The following CDCP1 variants were observed in gnomAD, a reference collection of about 807,000 sequenced individuals.
CDCP1 encodes the protein CUB domain-containing protein 1.
A neutral mutation model predicts 60.2 loss-of-function variants in CDCP1; 29 were observed. The ratio of observed to expected loss-of-function variants is 0.48; its 90% confidence interval spans 0.36 to 0.66. CDCP1 has a LOEUF of 0.66. Ranked by LOEUF, CDCP1 falls within the 30% of genes least tolerant of loss-of-function variation. The pLI is 0.00. For missense variants in CDCP1, 876 were observed against 1,074.3 expected (o/e 0.82, Z 2.58); for synonymous variants, 387 against 431.1 (o/e 0.90, Z 1.27).
At chr3:45,122,285 A>G (rs2126001977) in intron 1 of CDCP1, among the ~76,000 whole-genome samples, 2 of 152,094 alleles carry the variant, frequency 1.3e-5, no homozygotes, top group South Asian at 4.1e-4. Context: ...CTGGGACTAA[A>G]GGCATGTGCC....
intron 1 of CDCP1, among the ~76,000 whole-genome samples, chr3:45,144,437 G>A (rs1461161653): frequency 6.7e-6 from 1 of 148,512 alleles, no homozygotes; most frequent in Non-Finnish European, 1.5e-5. Context: ...GAGACCATAG[G>A]GAGGAACTTA....
chr3:45,146,009 C>G (rs552906205), intron 1 of CDCP1, among the ~76,000 whole-genome samples, 197 bp downstream of exon 1: 1 of 152,110 alleles, frequency 6.6e-6, no homozygotes, highest in Admixed American at 6.5e-5. Context: ...CCCACGCGCC[C>G]GACGCGGCGC....
chr3:45,101,176 T>C (rs988616602), intron 4 of CDCP1, among the ~76,000 whole-genome samples: 1 of 152,184 alleles, frequency 6.6e-6, no homozygotes, highest in African/African-American at 2.4e-5. Flanking sequence ...TCACATCTCA[T>C]TGGCCAAAGC....
chr3:45,126,110 C>CTTTCTTTCCTTCT (rs1464461640), intron 1 of CDCP1, among the ~76,000 whole-genome samples: 1 of 71,722 alleles, frequency 1.4e-5, no homozygotes, highest in African/African-American at 7.2e-5. Context: ...GTCTCTCTCT[C>CTTTCTTTCCTTCT]TTTCTTTCTT....
intron 4 of CDCP1, among the ~76,000 whole-genome samples, chr3:45,098,910 A>G (rs1698446060): frequency 6.6e-6 from 1 of 152,130 alleles, no homozygotes; most frequent in Non-Finnish European, 1.5e-5. Flanking sequence ...TTCCACTTGT[A>G]TAAATCTCCT....
rs1698169149 is a variant in CDCP1, at chr3:45,085,311, GTT to G, written c.*325_*326del. On this transcript the variant is annotated 3_prime_UTR_variant, in exon 9 of 9. Transcript: ENST00000296129. The surrounding 1 kb of genome is among the most constrained non-coding windows in gnomAD (Gnocchi z 4.2). ...GTTGTCCTGAAGAGGGCAAGCCTCT[GTT>G]TAACACTCTGAATCCAGGGCTTGCT... 1.1e-5 allele frequency: 3 copies of G among 276,988 alleles called. No individual in the cohort carries two copies. The South Asian group carries it at 1.7e-4, about 16-fold the overall frequency. 17.2% of individuals were successfully genotyped at this position (276,988 alleles called of 1,614,324 possible).
chr3:45,107,295 C>T (rs1698582601), intron 4 of CDCP1, among the ~76,000 whole-genome samples: 1 of 152,070 alleles, frequency 6.6e-6, no homozygotes, highest in Non-Finnish European at 1.5e-5. Context: ...CAACCTCCAC[C>T]TCCCGGGTTC....
At chr3:45,143,844 TG>T (rs1367738650) in intron 1 of CDCP1, among the ~76,000 whole-genome samples, 3 of 151,734 alleles carry the variant, frequency 2.0e-5, no homozygotes, top group Admixed American at 6.6e-5. Context: ...GGGGAGGAGA[TG>T]GGGGAGACTC....
At chr3:45,103,230 C>A (rs187166013) in intron 4 of CDCP1, among the ~76,000 whole-genome samples, 20 of 152,250 alleles carry the variant, frequency 1.3e-4, no homozygotes, top group Non-Finnish European at 2.6e-4. Flanking sequence ...TGGAATTGTA[C>A]GGTACATACT....
chr3:45,126,780 C>T (rs1366546459), intron 1 of CDCP1, among the ~76,000 whole-genome samples: 1 of 152,124 alleles, frequency 6.6e-6, no homozygotes, highest in Non-Finnish European at 1.5e-5. Flanking sequence ...TTAGGCAGCC[C>T]CGTGCATATG....
At chr3:45,126,703 C>G (rs772899768) in intron 1 of CDCP1, among the ~76,000 whole-genome samples, 11 of 152,090 alleles carry the variant, frequency 7.2e-5, no homozygotes, top group Non-Finnish European at 1.3e-4. Context: ...GGAGAAAAAC[C>G]TTTGGAATCT....
intron 4 of CDCP1, among the ~76,000 whole-genome samples, chr3:45,099,674 C>T (rs920252886): frequency 2.6e-5 from 4 of 151,972 alleles, no homozygotes; most frequent in African/African-American, 7.2e-5. Flanking sequence ...TTCTTTCTAT[C>T]GCGCTGGCTT....
chr3:45,117,525 T>C (rs1698812769), intron 2 of CDCP1, among the ~76,000 whole-genome samples: 1 of 152,034 alleles, frequency 6.6e-6, no homozygotes, highest in South Asian at 2.1e-4. Flanking sequence ...CCCAACTCCA[T>C]CATTCTCCAA....
rs150299181 is a variant in CDCP1 at position 45,085,244 on chromosome 3, G to T, written c.*394C>A. On this transcript the variant is annotated 3_prime_UTR_variant, in exon 9 of 9. Coordinates refer to ENST00000296129, the MANE Select transcript of CDCP1 (RefSeq NM_022842.5). This position sits in a 1 kb window ranked among gnomAD's most constrained non-coding sequence, Gnocchi z 4.2. Reference sequence around the variant, plus strand: ...TGTCGTTTTCATCCTGGGGACCCCAGTGAGAGTAGGGACCTCAGGTAGGCT... The same window carrying T: ...TGTCGTTTTCATCCTGGGGACCCCATTGAGAGTAGGGACCTCAGGTAGGCT... 5.2e-4 allele frequency: 88 copies of T among 168,164 alleles called. 1 individual carries two copies. Among genetic ancestry groups the T allele is most frequent in the African/African-American group, 1.9e-3 (80 of 42,086 alleles). The allele number at this position is 168,164 out of a possible 1,614,324, so 10.4% of individuals were successfully genotyped here. A position where few individuals can be genotyped will look rare whatever the true frequency, so the allele number is the denominator to read the frequency against.
Position 45,091,193 on chromosome 3 carries a change from G to A in CDCP1, c.1973C>T (p.Thr658Ile). The change falls in exon 7 of 9, where the codon ACA becomes ATA. Residue 658 changes from threonine (T) to isoleucine (I), a missense_variant. By Grantham distance (89) the Thr-to-Ile change is moderately conservative. Around this residue, in one of 2 missense-constraint regions of CDCP1, gnomAD observed 726 missense variants for 935.7 expected, o/e 0.78. Transcript: ENST00000296129. This position sits in a 1 kb window ranked among gnomAD's most constrained non-coding sequence, Gnocchi z 4.8. ...GKQLDLLFSV[T>I]LTPRTVDLTV... Reference sequence around the variant, plus strand: ...CTTACCCACAGTCCTTGGGGTAAGTGTCACCGAGAAGAGCAGGTCTAGCTG... The same window carrying A: ...CTTACCCACAGTCCTTGGGGTAAGTATCACCGAGAAGAGCAGGTCTAGCTG... 1 of 1,613,376 alleles carries A rather than the reference G, an allele frequency of 6.2e-7. No individual in the cohort carries two copies. Among genetic ancestry groups the A allele is most frequent in the Non-Finnish European group, 8.5e-7 (1 of 1,179,850 alleles).
chr3:45,096,623 C>CAAAAAAAAA (rs5848726), intron 4 of CDCP1, among the ~76,000 whole-genome samples: 61 of 53,152 alleles, frequency 1.1e-3, no homozygotes, highest in Non-Finnish European at 1.3e-3. Context: ...GACTCCGTCT[C>CAAAAAAAAA]AAAAAAAAAA....
intron 1 of CDCP1, among the ~76,000 whole-genome samples, chr3:45,129,013 G>A (rs11916555): frequency 0.1 from 15,792 of 152,266 alleles, 852 homozygotes; most frequent in East Asian, 0.16. Context: ...CACTGTGCCT[G>A]GCCAAGTTAT....
intron 1 of CDCP1, among the ~76,000 whole-genome samples, chr3:45,119,725 G>C (rs1002031170): frequency 5.9e-5 from 9 of 152,124 alleles, no homozygotes; most frequent in Non-Finnish European, 1.2e-4. Flanking sequence ...CTTATTGACA[G>C]TAATTTACAC....
chr3:45,090,142 C>A (rs1002197679), intron 7 of CDCP1, among the ~76,000 whole-genome samples: 11 of 152,010 alleles, frequency 7.2e-5, no homozygotes, highest in Admixed American at 4.6e-4. Flanking sequence ...TGGCTCCCAC[C>A]AGTTCTCTTG....
Sources: gnomAD v4.1 joint callset for allele counts (sites outside exome capture counted in the v4.1 genomes callset) on GRCh38, gnomAD v4.1.1 for gene constraint, gnomAD v4.1.1 regional missense constraint, Gnocchi (gnomAD v3.1) non-coding constraint, MANE v1.5 for transcripts, NCBI Gene and HGNC (gene_info 2026-07-23, HGNC 2026-07-21) for gene names.